The following SRGAP1 variants were observed in gnomAD, a reference collection of about 807,000 sequenced individuals.
The protein encoded by SRGAP1 is SLIT-ROBO Rho GTPase-activating protein 1.
In SRGAP1, 43 loss-of-function variants were observed where a neutral mutation model predicts 121.9. The ratio of observed to expected loss-of-function variants is 0.35; its 90% CI spans 0.28 to 0.46. The LOEUF is 0.46. SRGAP1 is among the 20% of genes least tolerant of loss of function. The pLI is 1.00. For synonymous variants in SRGAP1, 447 were observed against 485.4 expected (o/e 0.92, Z 1.04); for missense variants, 1,102 against 1,350.9 (o/e 0.82, Z 2.89).
chr12:63,947,067 T>A (rs996654851), intron 1 of SRGAP1, among the ~76,000 whole-genome samples: 1 of 152,232 alleles, frequency 6.6e-6, no homozygotes, highest in African/African-American at 2.4e-5. Context: ...ATTGTTTTCA[T>A]TTTTAACCAC....
intron 1 of SRGAP1, among the ~76,000 whole-genome samples, chr12:63,920,533 G>A (rs533504957): frequency 2.6e-5 from 4 of 152,286 alleles, no homozygotes; most frequent in South Asian, 2.1e-4. Flanking sequence ...ATGACAAGGC[G>A]ATTAGAAGGG....
intron 3 of SRGAP1, among the ~76,000 whole-genome samples, chr12:64,003,549 A>G (rs1221857443): frequency 6.6e-6 from 1 of 152,022 alleles, no homozygotes; most frequent in Non-Finnish European, 1.5e-5. Context: ...TAAAACAACA[A>G]CAAAAAAATT....
intron 1 of SRGAP1, among the ~76,000 whole-genome samples, chr12:63,955,640 A>G (rs146513768): frequency 1.3e-5 from 2 of 152,214 alleles, no homozygotes; most frequent in Non-Finnish European, 2.9e-5. Context: ...GGTTTTCTTC[A>G]TAAGCCATCT....
At chr12:64,085,717 C>T (rs1316117449) in intron 10 of SRGAP1, among the ~76,000 whole-genome samples, 1 of 152,150 alleles carries the variant, frequency 6.6e-6, no homozygotes, top group Non-Finnish European at 1.5e-5. Context: ...CTATGTACAC[C>T]TTCACCTTTT....
At chr12:63,982,636 G>A (rs1456669870) in intron 1 of SRGAP1, 1 of 152,102 alleles carries the variant, frequency 6.6e-6, no homozygotes, top group Non-Finnish European at 1.5e-5. Flanking sequence ...ACATTATTTG[G>A]ACATTGATTT....
At chr12:64,034,206 C>T (rs951319981) in intron 4 of SRGAP1, among the ~76,000 whole-genome samples, 3 of 144,888 alleles carry the variant, frequency 2.1e-5, no homozygotes, top group Non-Finnish European at 4.4e-5. Flanking sequence ...CCATCCTGCT[C>T]GTGCTGTCTC....
chr12:63,865,577 T>C (rs1224037852), intron 1 of SRGAP1, among the ~76,000 whole-genome samples: 3 of 152,162 alleles, frequency 2.0e-5, no homozygotes, highest in Admixed American at 6.5e-5. Flanking sequence ...CAAAAAGTCA[T>C]TGAGATACTT....
At chr12:64,114,904 T>C (rs1009962616) in intron 17 of SRGAP1, among the ~76,000 whole-genome samples, 1 of 152,214 alleles carries the variant, frequency 6.6e-6, no homozygotes, top group Non-Finnish European at 1.5e-5. Context: ...TAGTTATACT[T>C]GTCCCCCAAC....
At chr12:63,916,229 T>A (rs1026326387) in intron 1 of SRGAP1, among the ~76,000 whole-genome samples, 48 of 152,108 alleles carry the variant, frequency 3.2e-4, no homozygotes, top group Middle Eastern at 3.4e-3. Context: ...TTCACCATGT[T>A]GCCCAGGCTG....
intron 1 of SRGAP1, among the ~76,000 whole-genome samples, chr12:63,959,878 A>T (rs1406675036): frequency 6.6e-6 from 1 of 152,190 alleles, no homozygotes; most frequent in Non-Finnish European, 1.5e-5. Flanking sequence ...GGTGTGTGAG[A>T]TGTCAAAGCT....
At chr12:63,981,029 G>A (rs1017528263) in intron 1 of SRGAP1, among the ~76,000 whole-genome samples, 2 of 152,108 alleles carry the variant, frequency 1.3e-5, no homozygotes, top group African/African-American at 4.8e-5. Flanking sequence ...CCATGTTTTG[G>A]AGTTGATTTT....
In SRGAP1 at chr12:64,118,577, T is replaced by C. The variant is rs545403079; in HGVS notation, c.2224+2684T>C. Among the ~76,000 whole-genome samples the C allele has an allele frequency of 2.6e-5, 4 of 152,150 alleles. No individual in the cohort carries two copies. In the South Asian group the frequency reaches 8.3e-4, roughly 32 times the overall value. ...GTGTCCAGCCAACATTTGTTACCTT[T>C]TGTTTGTTTTGTTTGTTTCCTAACA... On this transcript the variant is annotated intron_variant, in intron 18 of 21. Transcript: ENST00000355086.
intron 1 of SRGAP1, among the ~76,000 whole-genome samples, chr12:63,857,806 C>T (rs982062452): frequency 6.6e-6 from 1 of 151,932 alleles, no homozygotes; most frequent in African/African-American, 2.4e-5. Context: ...ATTTATAAGC[C>T]CTATGGATTT....
chr12:64,063,090 G>C lies in SRGAP1; in HGVS notation c.975G>C (p.Ala325=). Reference sequence around the variant, plus strand: ...GATTCATGGAGATGTACCCTGCTGCGTTCTGTCCACCAATGAAGTTTGAGT... The same window carrying C: ...GATTCATGGAGATGTACCCTGCTGCCTTCTGTCCACCAATGAAGTTTGAGT... ...KQRFMEMYPA[A]FCPPMKFEFQ... is the part of the protein sequence containing the mutation. Residue 325 remains alanine (A), a synonymous_variant, in exon 7 of 22, where the codon GCG becomes GCC. Transcript: ENST00000355086. 1 of 1,614,030 alleles carries C rather than the reference G, an allele frequency of 6.2e-7. No homozygotes were observed. The highest frequency in any genetic ancestry group is 8.5e-7 in the Non-Finnish European group (1 of 1,179,952).
At chr12:64,047,672 C>G (rs908129350) in intron 6 of SRGAP1, among the ~76,000 whole-genome samples, 3 of 152,072 alleles carry the variant, frequency 2.0e-5, no homozygotes, top group African/African-American at 7.2e-5. Context: ...ATGTCAGTAT[C>G]TGTCTTTTTT....
At chr12:63,937,714 G>A (rs1245756376) in intron 1 of SRGAP1, among the ~76,000 whole-genome samples, 1 of 152,222 alleles carries the variant, frequency 6.6e-6, no homozygotes, top group Non-Finnish European at 1.5e-5. Flanking sequence ...AATGAGACAT[G>A]TAGCATGTTA....
At chr12:64,009,919 G>T (rs1195214414) in intron 3 of SRGAP1, among the ~76,000 whole-genome samples, 1 of 152,136 alleles carries the variant, frequency 6.6e-6, no homozygotes, top group Non-Finnish European at 1.5e-5. Context: ...CCAGAAACTT[G>T]GTTCAGGCCA....
chr12:63,922,524 A>G (rs2031100185), intron 1 of SRGAP1, among the ~76,000 whole-genome samples: 1 of 152,184 alleles, frequency 6.6e-6, no homozygotes, highest in East Asian at 1.9e-4. Flanking sequence ...CAGACAGACA[A>G]AGTCTTAGTT....
chr12:63,874,661 CTTT>C (rs1419212653), intron 1 of SRGAP1, among the ~76,000 whole-genome samples: 3 of 152,018 alleles, frequency 2.0e-5, no homozygotes, highest in Non-Finnish European at 4.4e-5. Flanking sequence ...AAAGCTCCTT[CTTT>C]ATGTGTTTAT....
Sources: gnomAD v4.1 joint callset for allele counts (sites outside exome capture counted in the v4.1 genomes callset) on GRCh38, gnomAD v4.1.1 for gene constraint, MANE v1.5 for transcripts, NCBI Gene and HGNC (gene_info 2026-07-23, HGNC 2026-07-21) for gene names.